The following ADGRE2 variants were observed in gnomAD, a reference collection of about 807,000 sequenced individuals.
The protein encoded by ADGRE2 is adhesion G protein-coupled receptor E2.
In ADGRE2, 83 loss-of-function variants were observed where a neutral mutation model predicts 100.8. The ratio of observed to expected loss-of-function variants is 0.82; its 90% CI spans 0.69 to 0.99. The LOEUF is 0.99. Ranked by LOEUF, ADGRE2 falls within the 50% of genes least tolerant of loss-of-function variation. The pLI is 0.00. For synonymous variants in ADGRE2, 355 were observed against 413.0 expected, an observed-to-expected ratio of 0.86 and a Z score of 1.70; for missense variants, 814 against 1,035.7, an observed-to-expected ratio of 0.79 and a Z score of 2.94.
chr19:14,769,700 T>C (rs1489823786), intron 5 of ADGRE2, among the ~76,000 whole-genome samples: 1 of 152,088 alleles, frequency 6.6e-6, no homozygotes, highest in African/African-American at 2.4e-5. Flanking sequence ...TTCTCTCCTT[T>C]TCTTTTCTTT....
Position 14,755,796 on chromosome 19 carries a change from T to C in ADGRE2, c.1274A>G (p.Lys425Arg). The C allele has an allele frequency of 6.2e-7, 1 of 1,614,180 alleles. No individual in the cohort carries two copies. The highest frequency in any genetic ancestry group is 2.2e-5 in the East Asian group (1 of 44,888). ...GTGTGTCTCATGCAGAAGCATCTGC[T>C]TCTCAGGTTCCAGGACCAGAGGGGC... ...AEAPLVLEPE[K>R]QMLLHETHQG... The change falls in exon 13 of 21, where the codon AAG (lysine) becomes AGG (arginine). Residue 425 changes from lysine (K) to arginine (R), a missense_variant. By Grantham distance (26) the Lys-to-Arg change is conservative. Around this residue, in one of 5 missense-constraint regions of ADGRE2, gnomAD observed 569 missense variants for 692.7 expected, o/e 0.82. Transcript: ENST00000315576.
intron 5 of ADGRE2, among the ~76,000 whole-genome samples, chr19:14,769,724 A>T (rs1196668596): frequency 6.6e-6 from 1 of 151,530 alleles, no homozygotes; most frequent in East Asian, 1.9e-4. Context: ...TTGGAGACGG[A>T]GTCTCGCTCT....
intron 5 of ADGRE2, among the ~76,000 whole-genome samples, chr19:14,771,710 C>T (rs1370938167): frequency 4.0e-5 from 6 of 151,584 alleles, no homozygotes; most frequent in East Asian, 1.9e-4. Context: ...GCACGATCTC[C>T]GCTCACTGAA....
intron 2 of ADGRE2, 136 bp from the exon 3 acceptor site, chr19:14,774,442 C>T (rs2044341674): frequency 6.8e-7 from 1 of 1,471,554 alleles, no homozygotes; most frequent in Admixed American, 2.0e-5. Flanking sequence ...ACAGAGTGAG[C>T]AGATGTCACG....
chr19:14,755,244 G>T, intron 13 of ADGRE2, 117 bp from the exon 14 acceptor site: 1 of 954,370 alleles, frequency 1.0e-6, no homozygotes, highest in Non-Finnish European at 1.5e-6. Context: ...GACCAGCCTG[G>T]CCAACATGGT....
At chr19:14,766,912 G>A (rs1253129786) in intron 6 of ADGRE2, 66 bp downstream of exon 6, 1 of 1,569,014 alleles carries the variant, frequency 6.4e-7, no homozygotes, top group Non-Finnish European at 8.7e-7. Context: ...GGCTGCTTTG[G>A]AGGACCTGAC....
At chr19:14,771,988 A>G in intron 5 of ADGRE2, 1 of 283,418 alleles carries the variant, frequency 3.5e-6, no homozygotes, top group Non-Finnish European at 6.8e-6. Context: ...AGAAGCACCT[A>G]TTCTTTCCTT....
intron 1 of ADGRE2, among the ~76,000 whole-genome samples, chr19:14,778,043 A>C (rs1357274700): frequency 6.6e-6 from 1 of 152,156 alleles, no homozygotes; most frequent in African/African-American, 2.4e-5. Flanking sequence ...TGGTATTTCT[A>C]GTTCTGGATC....
intron 16 of ADGRE2, among the ~76,000 whole-genome samples, chr19:14,748,674 G>A (rs2043167967): frequency 1.3e-5 from 2 of 152,016 alleles, no homozygotes; most frequent in Admixed American, 1.3e-4. Context: ...CATTTGTTTT[G>A]GGTATATACC....
intron 18 of ADGRE2, 39 bp from the exon 19 acceptor site, chr19:14,743,823 A>C (rs867329505): frequency 6.2e-7 from 1 of 1,600,666 alleles, no homozygotes; most frequent in South Asian, 1.1e-5. Flanking sequence ...ATGCACCCAG[A>C]GAAAGAGAAT....
Position 14,758,867 on chromosome 19 carries a change from A to G in ADGRE2, c.1085-2522T>C, listed in dbSNP as rs1286950144. Reference sequence around the variant, plus strand: ...GCCCCTGCACTGCAGTCTGCGGGACACAGCACGACTCCGTCTCAAAAAAAA... The same window carrying G: ...GCCCCTGCACTGCAGTCTGCGGGACGCAGCACGACTCCGTCTCAAAAAAAA... On this transcript the variant is annotated intron_variant, in intron 11 of 20. Coordinates refer to ENST00000315576, the MANE Select transcript of ADGRE2 (RefSeq NM_013447.4). Among the ~76,000 whole-genome samples, 5 of 124,326 alleles carry G rather than the reference A, an allele frequency of 4.0e-5. No individual in the cohort carries two copies. The East Asian group carries it at 1.3e-3, about 33-fold the overall frequency. The allele number at this position is 124,326 out of a possible 152,430, so 81.6% of individuals were successfully genotyped here. A position where few individuals can be genotyped will look rare whatever the true frequency, so the allele number is the denominator to read the frequency against.
intron 20 of ADGRE2, 135 bp downstream of exon 20, chr19:14,743,285 A>G: frequency 1.4e-6 from 1 of 719,156 alleles, no homozygotes; most frequent in East Asian, 2.5e-5. Context: ...CTAATGGTTA[A>G]TGAGTCAAGG....
chr19:14,744,108 C>CG (rs540119317), intron 18 of ADGRE2, among the ~76,000 whole-genome samples: 37 of 151,030 alleles, frequency 2.4e-4, no homozygotes, highest in South Asian at 1.7e-3. Context: ...CAGGTGTGGT[C>CG]GGGGGGGCGC....
intron 17 of ADGRE2, among the ~76,000 whole-genome samples, chr19:14,746,597 A>C (rs2043100392): frequency 6.6e-6 from 1 of 152,116 alleles, no homozygotes; most frequent in African/African-American, 2.4e-5. Flanking sequence ...TCCTGACCTC[A>C]AGTGATCTGC....
the ADGRE2 span, among the ~76,000 whole-genome samples, chr19:14,724,256 TAC>T: frequency 1.3e-5 from 2 of 152,302 alleles, no homozygotes; most frequent in South Asian, 2.1e-4. Flanking sequence ...GTCTGAGAAA[TAC>T]ACACACTTTA....
At position 14,751,666 on chromosome 19, in the gene ADGRE2, C is replaced by T. The variant is rs752539813; in HGVS notation, c.1794G>A (p.Leu598=). Residue 598 remains leucine, a synonymous_variant, in exon 16 of 21, where the codon CTG becomes CTA. Coordinates refer to ENST00000315576, the MANE Select transcript of ADGRE2 (RefSeq NM_013447.4). ...GCAAGGTACCGGCGATGATGGAGCA[C>T]AGCACCTGGCGGAGAAGTAAAAGAC... ...VAIDQTGHKV[L]CSIIAGTLHY... 1.1e-5 allele frequency: 17 copies of T among 1,613,036 alleles called. No individual in the cohort carries two copies. The African/African-American group carries it at 2.0e-4, about 19-fold the overall frequency.
intron 1 of ADGRE2, 140 bp from the exon 2 acceptor site, chr19:14,777,067 C>CAAGGCCGGGCGCGG: frequency 8.2e-7 from 1 of 1,223,676 alleles, no homozygotes; most frequent in South Asian, 1.8e-5. Context: ...AATCCCTCTG[C>CAAGGCCGGGCGCGG]TGGAGTTTCC....
chr19:14,748,606 C>T (rs995243644), intron 16 of ADGRE2, among the ~76,000 whole-genome samples: 11 of 152,192 alleles, frequency 7.2e-5, no homozygotes, highest in Non-Finnish European at 1.2e-4. Context: ...CGCACCCGGC[C>T]GATCTCCTTA....
chr19:14,738,260 G>A (rs1263804854), intron 20 of ADGRE2, among the ~76,000 whole-genome samples: 1 of 152,136 alleles, frequency 6.6e-6, no homozygotes, highest in African/African-American at 2.4e-5. Context: ...GGAGCTCCAG[G>A]GTTTGTGTAA....
Sources: gnomAD v4.1 joint callset for allele counts (sites outside exome capture counted in the v4.1 genomes callset) on GRCh38, gnomAD v4.1.1 for gene constraint, gnomAD v4.1.1 regional missense constraint, MANE v1.5 for transcripts, NCBI Gene and HGNC (gene_info 2026-07-23, HGNC 2026-07-21) for gene names.